The following BIN1 variants were observed in gnomAD, a reference collection of about 807,000 sequenced individuals.
The protein encoded by BIN1 is myc box-dependent-interacting protein 1.
In BIN1, 53 loss-of-function variants were observed where a neutral mutation model predicts 82.0. That is an observed-to-expected ratio of 0.65 (90% CI 0.52 to 0.81). The LOEUF (loss-of-function observed/expected upper bound fraction) is 0.81. Ranked by LOEUF, BIN1 falls within the 40% of genes least tolerant of loss-of-function variation. BIN1 has a pLI of 0.00. For synonymous variants in BIN1, 302 were observed against 328.0 expected (o/e 0.92, Z 0.86); for missense variants, 642 against 784.4 (o/e 0.82, Z 2.17).
rs1219017055 is a variant in BIN1, at chr2:127,067,067, T to C, written c.612+1096A>G. Among the ~76,000 whole-genome samples the C allele has an allele frequency of 1.1e-5, 1 of 91,598 alleles. No individual in the cohort carries two copies. The highest frequency in any genetic ancestry group is 2.0e-5 in the Non-Finnish European group (1 of 50,628). 60.1% of individuals were successfully genotyped at this position (91,598 alleles called of 152,430 possible). ...GCCAGGGGAACGGAGAGAAACCCGT[T>C]CAAAAAAAAAAAAAAAATAGAAAAA... On this transcript the variant is annotated intron_variant, in intron 7 of 18. Transcript: ENST00000316724. This position sits in a 1 kb window ranked among gnomAD's most constrained non-coding sequence, Gnocchi z 4.7.
chr2:127,054,457 A>G (rs995383992), intron 12 of BIN1: 7 of 216,054 alleles, frequency 3.2e-5, no homozygotes, highest in Non-Finnish European at 5.6e-5. Flanking sequence ...CAGTGGCGAG[A>G]GTAACACCAT....
At chr2:127,094,754 T>TC (rs1331142570) in intron 1 of BIN1, among the ~76,000 whole-genome samples, 1 of 151,856 alleles carries the variant, frequency 6.6e-6, no homozygotes, top group Admixed American at 6.6e-5. Context: ...CTGACTCAGC[T>TC]CCCCCCGCCC....
chr2:127,105,505 C>CT (rs1680973854), intron 1 of BIN1, among the ~76,000 whole-genome samples: 30 of 148,226 alleles, frequency 2.0e-4, no homozygotes, highest in South Asian at 9.0e-4. Context: ...CCTCCTCCTT[C>CT]CCTGGGGTGG....
In BIN1 at chr2:127,104,088, GGGACTCAGCCCA is replaced by G. The variant is rs796855966; in HGVS notation, c.84+2760_84+2771del. ...ATGCACCCTGCCTGAGACAGCATCG[GGGACTCAGCCCA>G]GGAGGCACTGGGCCTGTGTCCAGGC... On this transcript the variant is annotated intron_variant, in intron 1 of 18. Transcript: ENST00000316724. Among the ~76,000 whole-genome samples the G allele has an allele frequency of 7.9e-5, 12 of 152,348 alleles. No individual in the cohort carries two copies. The South Asian group carries it at 2.5e-3, about 32-fold the overall frequency.
In BIN1 at chr2:127,059,294, A is replaced by G. The variant is rs1223310358; in HGVS notation, c.858-139T>C. 1.8e-4 allele frequency: 59 copies of G among 322,114 alleles called. No homozygotes were observed. Among genetic ancestry groups the G allele is most frequent in the African/African-American group, 2.3e-4 (9 of 38,502 alleles). The allele number at this position is 322,114 out of a possible 1,614,324, so 20.0% of individuals were successfully genotyped here. A position where few individuals can be genotyped will look rare whatever the true frequency, so the allele number is the denominator to read the frequency against. The stretch of plus-strand genomic sequence containing the variant: ...ACTGTGTGTGTGTGTGTGTGTGTGT[A>G]TGTGAGAGAGAGCAGGAGGGTGGGG... On this transcript the variant is annotated intron_variant, in intron 10 of 18. Transcript: ENST00000316724. The surrounding 1 kb of genome is among the most constrained non-coding windows in gnomAD (Gnocchi z 6.7).
rs186389198 is a variant in BIN1 at position 127,081,695 on chromosome 2, C to T, written c.85-4989G>A. 2.0e-5 allele frequency: 19 copies of T among 969,152 alleles called. No homozygotes were observed. In the East Asian group the frequency reaches 1.1e-3, roughly 55 times the overall value. 60.0% of individuals were successfully genotyped at this position (969,152 alleles called of 1,614,324 possible). ...TCCTCCACCAGCCAGCGGCACCCCT[C>T]GTCCCTGCAGTGGCAGCAGAGTTCC... On this transcript the variant is annotated intron_variant, in intron 1 of 18. Coordinates refer to ENST00000316724, the MANE Select transcript of BIN1 (RefSeq NM_139343.3).
At chr2:127,053,542 G>A (rs1165271118) in intron 13 of BIN1, 97 bp from the exon 14 acceptor site, 1 of 1,494,882 alleles carries the variant, frequency 6.7e-7, no homozygotes, top group African/African-American at 1.4e-5. Flanking sequence ...CTCGCCCCAG[G>A]CCATCCAGCC....
chr2:127,071,480 G>A (rs1685890742), intron 2 of BIN1, among the ~76,000 whole-genome samples: 1 of 152,212 alleles, frequency 6.6e-6, no homozygotes, highest in Non-Finnish European at 1.5e-5. Flanking sequence ...GCTGGGTGGT[G>A]AAGCTCCCTG....
At chr2:127,073,740 C>T (rs1686233243) in intron 2 of BIN1, among the ~76,000 whole-genome samples, 1 of 152,214 alleles carries the variant, frequency 6.6e-6, no homozygotes, top group Non-Finnish European at 1.5e-5. Context: ...TCAGACTTGC[C>T]CCACCTCAGT....
rs945314380 is a variant in BIN1, at chr2:127,082,374, G to C, written c.85-5668C>G. Among the ~76,000 whole-genome samples the C allele has an allele frequency of 6.6e-6, 1 of 152,214 alleles. No homozygotes were observed. Among genetic ancestry groups the C allele is most frequent in the African/African-American group, 2.4e-5 (1 of 41,462 alleles). On this transcript the variant is annotated intron_variant, in intron 1 of 18. Transcript: ENST00000316724. The surrounding 1 kb of genome is among the most constrained non-coding windows in gnomAD (Gnocchi z 6.1). ...CAGAGGGCAGGATGGCCAGCTGAAG[G>C]CCTCCGTGGTCACAAGCTCTGAGGC...
intron 3 of BIN1, 50 bp downstream of exon 3, chr2:127,070,712 C>T: frequency 6.3e-7 from 1 of 1,598,428 alleles, no homozygotes; most frequent in Non-Finnish European, 8.5e-7. Flanking sequence ...CTCCCCAGCT[C>T]TGCACCCACC....
intron 15 of BIN1, among the ~76,000 whole-genome samples, chr2:127,051,931 G>A (rs1683008681): frequency 6.6e-6 from 1 of 152,242 alleles, no homozygotes; most frequent in African/African-American, 2.4e-5. Context: ...GTGTCTGGCT[G>A]TAAAGGTGAT....
chr2:127,107,024 C>G lies in BIN1; in HGVS notation c.-81G>C. 2.1e-6 allele frequency: 3 copies of G among 1,396,870 alleles called. No homozygotes were observed. Among genetic ancestry groups the G allele is most frequent in the Non-Finnish European group, 2.8e-6 (3 of 1,068,444 alleles). The allele number at this position is 1,396,870 out of a possible 1,614,324, so 86.5% of individuals were successfully genotyped here. A position where few individuals can be genotyped will look rare whatever the true frequency, so the allele number is the denominator to read the frequency against. ...GCGCCGCGCTCCCAGCCCCCAGCCCCGGCCGCGCGTCCAGACCGGCTGCCG... is the reference window on the plus strand; with the variant it reads ...GCGCCGCGCTCCCAGCCCCCAGCCCGGGCCGCGCGTCCAGACCGGCTGCCG... On this transcript the variant is annotated 5_prime_UTR_variant, in exon 1 of 19. Transcript: ENST00000316724. This position sits in a 1 kb window ranked among gnomAD's most constrained non-coding sequence, Gnocchi z 5.9.
rs976432180 is a variant in BIN1, at chr2:127,053,887, G to T, written c.1239+18C>A. The T allele has an allele frequency of 7.1e-6, 11 of 1,548,630 alleles. No homozygotes were observed. The African/African-American group carries it at 1.5e-4, about 21-fold the overall frequency. ...CTGGAAGCTGGTGGGCCCATGGGCA[G>T]TGGTGGGCACAACCAACCTGACCAG... On this transcript the variant is annotated intron_variant, in intron 13 of 18. Coordinates refer to ENST00000316724, the MANE Select transcript of BIN1 (RefSeq NM_139343.3).
intron 15 of BIN1, among the ~76,000 whole-genome samples, chr2:127,051,586 C>T (rs751355494): frequency 1.1e-3 from 161 of 152,308 alleles, no homozygotes; most frequent in Middle Eastern, 3.4e-3. Context: ...CCACAGCCAC[C>T]ACCCGCCCAC....
intron 12 of BIN1, 199 bp from the exon 13 acceptor site, chr2:127,054,211 G>T (rs1683348732): frequency 1.4e-5 from 9 of 626,708 alleles, no homozygotes; most frequent in African/African-American, 1.1e-4. Flanking sequence ...ACACACGGGA[G>T]CACTGCCCAA....
chr2:127,104,249 T>A (rs749259719), intron 1 of BIN1, among the ~76,000 whole-genome samples: 5 of 152,094 alleles, frequency 3.3e-5, no homozygotes, highest in Non-Finnish European at 5.9e-5. Context: ...CCAGGTAACA[T>A]CCTCAATGCA....
chr2:127,070,758 C>T lies in BIN1; in HGVS notation c.220+4G>A, dbSNP rs112865380. 1.1e-5 allele frequency: 18 copies of T among 1,613,854 alleles called. No individual in the cohort carries two copies. In the African/African-American group the frequency reaches 1.7e-4, roughly 16 times the overall value. On this transcript the variant is annotated splice_donor_region_variant and intron_variant, in intron 3 of 18. Transcript: ENST00000316724. ...GGGCCAGGTGCGCTCTGCCTGCCTC[C>T]TACCTTTGACGGAGGCCAGGTAGGT...
At position 127,067,427 on chromosome 2, in the gene BIN1, T is replaced by G. The variant is rs552608720; in HGVS notation, c.612+736A>C. ...GCAGGGGGCTGAGAAGACCATAGCC[T>G]CTATGGCCAGGATGGTGAGATGGCC... On this transcript the variant is annotated intron_variant, in intron 7 of 18. Coordinates refer to ENST00000316724, the MANE Select transcript of BIN1 (RefSeq NM_139343.3). The surrounding 1 kb of genome is among the most constrained non-coding windows in gnomAD (Gnocchi z 4.7). 6.6e-6 allele frequency among the ~76,000 whole-genome samples: 1 copy of G among 152,310 alleles called. No homozygotes were observed. The highest frequency in any genetic ancestry group is 1.9e-4 in the East Asian group (1 of 5,180).
Sources: allele counts gnomAD v4.1 joint callset (sites outside exome capture counted in the v4.1 genomes callset), GRCh38; gene constraint gnomAD v4.1.1; non-coding constraint Gnocchi (gnomAD v3.1); transcripts MANE v1.5; gene names NCBI Gene and HGNC (gene_info 2026-07-23, HGNC 2026-07-21).